Variants in P2RX6 observed in about 807,000 individuals in gnomAD.
The protein encoded by P2RX6 is purinergic receptor P2X 6.
P2RX6 carries 62 observed loss-of-function variants against 54.2 expected under a neutral mutation model. That is an observed-to-expected ratio of 1.14 (90% CI 0.93 to 1.41). P2RX6 has a LOEUF of 1.41. P2RX6 is among the 40% of genes most tolerant of loss of function. The pLI is 0.00. For missense variants in P2RX6, 541 were observed against 566.3 expected (o/e 0.96, Z 0.45); for synonymous variants, 211 against 231.9 (o/e 0.91, Z 0.82).
chr22:21,016,588 CAAAA>C (rs3046027), intron 2 of P2RX6, among the ~76,000 whole-genome samples: 6 of 103,372 alleles, frequency 5.8e-5, no homozygotes, highest in Admixed American at 9.4e-5. Flanking sequence ...GACTCTGTCT[CAAAA>C]AAAAAAAAAA....
upstream of P2RX6, among the ~76,000 whole-genome samples, chr22:21,012,190 C>T (rs1439418529): frequency 2.0e-5 from 3 of 152,190 alleles, no homozygotes; most frequent in Non-Finnish European, 4.4e-5. Context: ...TGAACTTCCC[C>T]GCCCCCAACT....
upstream of P2RX6, chr22:21,013,728 G>A (rs1925911808): frequency 6.6e-6 from 1 of 152,222 alleles, no homozygotes; most frequent in African/African-American, 2.4e-5. Context: ...ATTTTCCCCA[G>A]GGAAAAAACC....
At chr22:21,019,617 G>A (rs6005269) in intron 3 of P2RX6, among the ~76,000 whole-genome samples, 8,091 of 152,316 alleles carry the variant, frequency 0.053, 296 homozygotes, top group South Asian at 0.15. Context: ...GAGCTTGGTC[G>A]GGGAGACCTG....
upstream of P2RX6, chr22:21,012,416 A>C: frequency 2.7e-6 from 1 of 372,422 alleles, no homozygotes; most frequent in East Asian, 7.0e-5. Context: ...TCTATCCACC[A>C]GCAACACCAG....
chr22:21,012,040 C>T (rs1323926452), upstream of P2RX6, among the ~76,000 whole-genome samples: 1 of 152,204 alleles, frequency 6.6e-6, no homozygotes, highest in African/African-American at 2.4e-5. Flanking sequence ...CTCACCACAG[C>T]CCCAAGCCTA....
intron 1 of P2RX6, among the ~76,000 whole-genome samples, chr22:21,015,613 G>A (rs1255572878): frequency 6.6e-6 from 1 of 152,282 alleles, no homozygotes; most frequent in East Asian, 1.9e-4. Flanking sequence ...ATCTGTGAGA[G>A]CTGGAGCACT....
chr22:21,026,478 A>G lies in P2RX6; in HGVS notation c.1187A>G (p.Gln396Arg). ...SVWRELALAS[Q>R]ARLAECLRRS... ...TGGAGGGAGCTGGCCCTTGCATCCC[A>G]AGCCCGACTGGCCGAGTGCCTCAGA... is the stretch of plus-strand genomic sequence containing the variant. Residue 396 changes from glutamine to arginine, a missense_variant, in exon 12 of 12, where the codon CAA (glutamine) becomes CGA (arginine). By Grantham distance (43) the Gln-to-Arg change is conservative. Around this residue, in one of 2 missense-constraint regions of P2RX6, gnomAD observed 526 missense variants for 531.5 expected, o/e 0.99. Transcript: ENST00000413302. This position sits in a 1 kb window ranked among gnomAD's most constrained non-coding sequence, Gnocchi z 4.0. 1 of 1,601,934 alleles carries G rather than the reference A, an allele frequency of 6.2e-7. No homozygotes were observed. The highest frequency in any genetic ancestry group is 8.5e-7 in the Non-Finnish European group (1 of 1,174,876).
At chr22:21,011,652 C>G (rs1055214089), upstream of P2RX6, 13 of 695,928 alleles carry the variant, frequency 1.9e-5, no homozygotes, top group African/African-American at 1.1e-4. Context: ...CCCCCTCCCC[C>G]CTCTTCTGCC....
rs750650206 is a variant in P2RX6, at chr22:21,026,409, C to T, written c.1129-11C>T. On this transcript the variant is annotated splice_polypyrimidine_tract_variant and intron_variant, in intron 11 of 11. Coordinates refer to ENST00000413302, the MANE Select transcript of P2RX6 (RefSeq NM_005446.5). This position sits in a 1 kb window ranked among gnomAD's most constrained non-coding sequence, Gnocchi z 4.0. Reference sequence around the variant, plus strand: ...TTGGCTGGATCCCTGACCTGCTGTCCTCATCTGCAGGCCAAGGCCCCGAAA... The same window carrying T: ...TTGGCTGGATCCCTGACCTGCTGTCTTCATCTGCAGGCCAAGGCCCCGAAA... 1 of 1,595,486 alleles carries T rather than the reference C, an allele frequency of 6.3e-7. No individual in the cohort carries two copies. Among genetic ancestry groups the T allele is most frequent in the Non-Finnish European group, 8.5e-7 (1 of 1,171,370 alleles).
Position 21,027,244 on chromosome 22 carries a change from C to T in P2RX6, c.*627C>T, listed in dbSNP as rs1327277861. The T allele has an allele frequency of 6.5e-6, 1 of 153,288 alleles. No individual in the cohort carries two copies. Among genetic ancestry groups the T allele is most frequent in the African/African-American group, 2.4e-5 (1 of 41,442 alleles). The allele number at this position is 153,288 out of a possible 1,614,324, so 9.5% of individuals were successfully genotyped here. ...CCCCAGGCAAGGGCGGAGCATGTGT[C>T]TTGGGCCCACACCTGCTTAGTTTAT... On this transcript the variant is annotated 3_prime_UTR_variant, in exon 12 of 12. Coordinates refer to ENST00000413302, the MANE Select transcript of P2RX6 (RefSeq NM_005446.5).
chr22:21,011,678 A>T, upstream of P2RX6: 1 of 639,952 alleles, frequency 1.6e-6, no homozygotes, highest in Non-Finnish European at 2.8e-6. Context: ...CCAAACCTCC[A>T]GGTCTGAGGC....
intron 1 of P2RX6, among the ~76,000 whole-genome samples, chr22:21,015,623 T>G (rs1926210055): frequency 2.0e-5 from 3 of 152,008 alleles, no homozygotes; most frequent in African/African-American, 7.3e-5. Flanking sequence ...GCTGGAGCAC[T>G]AGGCCCCCAG....
intron 3 of P2RX6, among the ~76,000 whole-genome samples, chr22:21,020,738 C>A (rs970142055): frequency 6.6e-5 from 10 of 151,870 alleles, no homozygotes; most frequent in African/African-American, 2.4e-4. Context: ...ACTACAGGCA[C>A]ACACCACCAC....
Position 21,026,608 on chromosome 22 carries a change from G to T in P2RX6, c.1317G>T (p.Gly439=). Residue 439 remains glycine (G), a synonymous_variant, in exon 12 of 12, where the codon GGG becomes GGT. Coordinates refer to ENST00000413302, the MANE Select transcript of P2RX6 (RefSeq NM_005446.5). This position sits in a 1 kb window ranked among gnomAD's most constrained non-coding sequence, Gnocchi z 4.0. Reference sequence around the variant, plus strand: ...ACACCCACTTGCCAACCCATTCCGGGAGCCTGTAGCCGTTCCCTGCTGGTT... The same window carrying T: ...ACACCCACTTGCCAACCCATTCCGGTAGCCTGTAGCCGTTCCCTGCTGGTT... ...SSDTHLPTHS[G]SL The T allele has an allele frequency of 6.3e-7, 1 of 1,583,804 alleles. No individual in the cohort carries two copies. Among genetic ancestry groups the T allele is most frequent in the Non-Finnish European group, 8.6e-7 (1 of 1,166,104 alleles).
intron 4 of P2RX6, 70 bp from the exon 5 acceptor site, chr22:21,022,872 A>G: frequency 6.6e-7 from 1 of 1,509,500 alleles, no homozygotes; most frequent in Non-Finnish European, 9.2e-7. Context: ...TCTGCCAACA[A>G]CCCCCTGGCT....
intron 3 of P2RX6, among the ~76,000 whole-genome samples, chr22:21,021,913 C>T (rs1284474791): frequency 1.3e-5 from 2 of 152,188 alleles, no homozygotes; most frequent in Non-Finnish European, 2.9e-5. Flanking sequence ...ACCCAAGCCC[C>T]TGACTCTAGG....
intron 9 of P2RX6, 49 bp downstream of exon 9, chr22:21,025,947 A>G (rs199572103): frequency 1.0e-5 from 16 of 1,582,778 alleles, no homozygotes; most frequent in Non-Finnish European, 1.3e-5. Context: ...GCAGGCAGAC[A>G]GGGCTGGAGG....
chr22:21,015,186 G>A lies in P2RX6; in HGVS notation c.12G>A (p.Gln4=). 1 of 1,509,460 alleles carries A rather than the reference G, an allele frequency of 6.6e-7. No homozygotes were observed. The highest frequency in any genetic ancestry group is 1.3e-5 in the South Asian group (1 of 74,866). 93.5% of individuals were successfully genotyped at this position (1,509,460 alleles called of 1,614,324 possible). A position where few individuals can be genotyped will look rare whatever the true frequency, so the allele number is the denominator to read the frequency against. Reference sequence around the variant, plus strand: ...TGCCATGCTGACTCATGTGCCCGCAGCTAGCAGGAGCTGGCAGCATGGGCT... The same window carrying A: ...TGCCATGCTGACTCATGTGCCCGCAACTAGCAGGAGCTGGCAGCATGGGCT... MCP[Q]LAGAGSMGSP... Residue 4 remains glutamine (Q), a synonymous_variant, in exon 1 of 12, where the codon CAG becomes CAA. Coordinates refer to ENST00000413302, the MANE Select transcript of P2RX6 (RefSeq NM_005446.5).
At chr22:21,012,123 G>T (rs1427637079), upstream of P2RX6, among the ~76,000 whole-genome samples, 1 of 152,152 alleles carries the variant, frequency 6.6e-6, no homozygotes. Flanking sequence ...TTTCTCAGTG[G>T]CAGAGACAGC....
Sources: allele counts gnomAD v4.1 joint callset (sites outside exome capture counted in the v4.1 genomes callset), GRCh38; gene constraint gnomAD v4.1.1; regional missense constraint gnomAD v4.1.1; non-coding constraint Gnocchi (gnomAD v3.1); transcripts MANE v1.5; gene names NCBI Gene and HGNC (gene_info 2026-07-23, HGNC 2026-07-21).